TESK2: variants seen among roughly 807,000 people sequenced by gnomAD.
TESK2 encodes testis associated actin remodelling kinase 2.
Under a neutral mutation model 57.1 loss-of-function variants are expected in TESK2, and 39 were observed. The ratio of observed to expected loss-of-function variants is 0.68; its 90% CI spans 0.53 to 0.89. The LOEUF is 0.89. Among genes scored for constraint, TESK2 ranks in the 40% least tolerant of loss-of-function variants. The probability of loss-of-function intolerance (pLI) is 0.00; values close to 1 mark genes in which losing one functional copy is unlikely to be tolerated. For synonymous variants in TESK2, 249 were observed against 267.9 expected (o/e 0.93, Z 0.69); for missense variants, 646 against 732.1 (o/e 0.88, Z 1.36).
chr1:45,460,874 C>A (rs1652305333), intron 1 of TESK2, among the ~76,000 whole-genome samples: 1 of 152,180 alleles, frequency 6.6e-6, no homozygotes, highest in South Asian at 2.1e-4. Flanking sequence ...CCAGAAAGTG[C>A]AAATGCTAAA....
intron 2 of TESK2, among the ~76,000 whole-genome samples, chr1:45,425,471 A>G (rs1570717072): frequency 1.3e-5 from 2 of 151,940 alleles, no homozygotes. Context: ...TGGGCAACAT[A>G]GTGAGACACT....
rs1006736268 is a variant in TESK2, at chr1:45,455,858, C to CA, written c.222+1705dup. Reference sequence around the variant, plus strand: ...ACAACTCTATGGAGTTGTTTTGGTCCAAAAAAAAACAAGACATGGGAAAGT... The same window carrying CA: ...ACAACTCTATGGAGTTGTTTTGGTCCAAAAAAAAAACAAGACATGGGAAAGT... On this transcript the variant is annotated intron_variant, in intron 2 of 10. Transcript: ENST00000372086. Among the ~76,000 whole-genome samples the CA allele has an allele frequency of 3.3e-4, 49 of 148,108 alleles. No individual in the cohort carries two copies. The Middle Eastern group carries it at 0.01, about 31-fold the overall frequency.
At chr1:45,461,105 C>G (rs1340566358) in intron 1 of TESK2, among the ~76,000 whole-genome samples, 1 of 151,824 alleles carries the variant, frequency 6.6e-6, no homozygotes, top group African/African-American at 2.4e-5. Flanking sequence ...AAGTGATCCT[C>G]CCACCTTAGC....
chr1:45,452,741 C>A (rs1651918946), intron 2 of TESK2, among the ~76,000 whole-genome samples: 1 of 150,522 alleles, frequency 6.6e-6, no homozygotes, highest in African/African-American at 2.4e-5. Flanking sequence ...ATAGCAAGAC[C>A]CTGTCTCAAA....
intron 2 of TESK2, among the ~76,000 whole-genome samples, chr1:45,422,643 C>T (rs1650518927): frequency 6.7e-6 from 1 of 150,370 alleles, no homozygotes; most frequent in Non-Finnish European, 1.5e-5. Flanking sequence ...AGGTTTTCAC[C>T]ATGTTGGCCA....
chr1:45,490,590 A>C (rs1302477493), intron 1 of TESK2, among the ~76,000 whole-genome samples: 3 of 152,086 alleles, frequency 2.0e-5, no homozygotes, highest in Admixed American at 1.3e-4. Context: ...AATGCGAGCG[A>C]GGTAACTTCT....
At chr1:45,390,793 C>T (rs116333355) in intron 3 of TESK2, among the ~76,000 whole-genome samples, 3,046 of 150,798 alleles carry the variant, frequency 0.02, 140 homozygotes, top group African/African-American at 0.071. Flanking sequence ...ATTATCATAG[C>T]GATAGGGTCT....
At chr1:45,406,025 C>G (rs2149281895) in intron 3 of TESK2, among the ~76,000 whole-genome samples, 1 of 152,272 alleles carries the variant, frequency 6.6e-6, no homozygotes, top group Admixed American at 6.5e-5. Context: ...AAGTCCAAGA[C>G]TAGCCTGGCC....
At chr1:45,366,392 T>C (rs1647917717) in intron 4 of TESK2, among the ~76,000 whole-genome samples, 1 of 151,304 alleles carries the variant, frequency 6.6e-6, no homozygotes, top group African/African-American at 2.4e-5. Flanking sequence ...CAGCCACTTA[T>C]TCATCCTTCT....
chr1:45,388,415 A>T (rs4660854), intron 3 of TESK2, among the ~76,000 whole-genome samples: 49,406 of 152,014 alleles, frequency 0.33, 9,006 homozygotes, highest in African/African-American at 0.49. Flanking sequence ...CATTTCCTGC[A>T]TGATTAAGGC....
intron 5 of TESK2, among the ~76,000 whole-genome samples, chr1:45,354,801 AAAAAAAAAAAAAAAATAT>A (rs1647338407): frequency 1.5e-5 from 1 of 65,224 alleles, no homozygotes; most frequent in African/African-American, 7.2e-5. Flanking sequence ...AAAAAAAAAA[AAAAAAAAAAAAAAAATAT>A]ATATATATAT....
chr1:45,454,791 T>A (rs1459168818), intron 2 of TESK2, among the ~76,000 whole-genome samples: 1 of 152,064 alleles, frequency 6.6e-6, no homozygotes, highest in African/African-American at 2.4e-5. Flanking sequence ...ATATGACATA[T>A]ATACACAATG....
Position 45,346,007 on chromosome 1 carries a change from A to G in TESK2, c.880-13T>C. 6.3e-7 allele frequency: 1 copy of G among 1,596,072 alleles called. No homozygotes were observed. Among genetic ancestry groups the G allele is most frequent in the Non-Finnish European group, 8.6e-7 (1 of 1,163,568 alleles). The stretch of plus-strand genomic sequence containing the variant: ...GTTTGGGATCCATCTGTAGGTATCC[A>G]CAACAGCCATGAGCTCTGCCCTCCA... On this transcript the variant is annotated splice_polypyrimidine_tract_variant and intron_variant, in intron 9 of 10. Coordinates refer to ENST00000372086, the MANE Select transcript of TESK2 (RefSeq NM_007170.3).
intron 4 of TESK2, among the ~76,000 whole-genome samples, chr1:45,384,616 T>A (rs1027739534): frequency 3.6e-5 from 5 of 137,094 alleles, no homozygotes; most frequent in African/African-American, 1.1e-4. Context: ...TTTTTTTTTT[T>A]TTTTTTTTTT....
intron 3 of TESK2, among the ~76,000 whole-genome samples, chr1:45,401,332 G>C (rs1347438300): frequency 1.3e-5 from 2 of 151,316 alleles, no homozygotes; most frequent in Non-Finnish European, 2.9e-5. Flanking sequence ...GGGAGGCGGA[G>C]ATTGCAGTGA....
rs1380850946 is a variant in TESK2 at position 45,344,668 on chromosome 1, C to T, written c.*172G>A. On this transcript the variant is annotated 3_prime_UTR_variant, in exon 11 of 11. Coordinates refer to ENST00000372086, the MANE Select transcript of TESK2 (RefSeq NM_007170.3). Reference sequence around the variant, plus strand: ...CCCTAACTAGGAAGGCCTCTCACTGCTGCCTCCCGTCATACACAGCCAATG... The same window carrying T: ...CCCTAACTAGGAAGGCCTCTCACTGTTGCCTCCCGTCATACACAGCCAATG... 3 of 629,206 alleles carry T rather than the reference C, an allele frequency of 4.8e-6. No homozygotes were observed. The highest frequency in any genetic ancestry group is 1.8e-5 in the African/African-American group (1 of 54,296). The allele number at this position is 629,206 out of a possible 1,614,324, so 39.0% of individuals were successfully genotyped here.
At chr1:45,368,239 C>T (rs1328692009) in intron 4 of TESK2, among the ~76,000 whole-genome samples, 3 of 152,066 alleles carry the variant, frequency 2.0e-5, no homozygotes, top group Admixed American at 6.6e-5. Flanking sequence ...AGGTGATCCA[C>T]CCATCTTGGC....
chr1:45,461,799 GT>G (rs1249721049), intron 1 of TESK2, among the ~76,000 whole-genome samples: 1 of 152,022 alleles, frequency 6.6e-6, no homozygotes, highest in Non-Finnish European at 1.5e-5. Flanking sequence ...TAATTTTTAT[GT>G]GTACATAGTA....
intron 3 of TESK2, among the ~76,000 whole-genome samples, chr1:45,408,225 C>T (rs2149282644): frequency 6.6e-6 from 1 of 152,280 alleles, no homozygotes; most frequent in South Asian, 2.1e-4. Context: ...AAAATATCTT[C>T]ACTCTACTCT....
Sources: allele counts gnomAD v4.1 joint callset (sites outside exome capture counted in the v4.1 genomes callset), GRCh38; gene constraint gnomAD v4.1.1; transcripts MANE v1.5; gene names NCBI Gene and HGNC (gene_info 2026-07-23, HGNC 2026-07-21).